VIT: variants seen among roughly 807,000 people sequenced by gnomAD.
VIT encodes vitrin.
Under a neutral mutation model 78.0 loss-of-function variants are expected in VIT, and 99 were observed. The observed-to-expected ratio is 1.27, with a 90% CI of 1.08 to 1.50. The LOEUF (loss-of-function observed/expected upper bound fraction) is 1.50. Among genes scored for constraint, VIT ranks in the 40% most tolerant of loss-of-function variants. The probability of loss-of-function intolerance (pLI) is 0.00; values close to 1 mark genes in which losing one functional copy is unlikely to be tolerated. For missense variants in VIT, 1,126 were observed against 875.3 expected (o/e 1.29, Z -3.61); for synonymous variants, 374 against 334.3 (o/e 1.12, Z -1.29).
intron 1 of VIT, among the ~76,000 whole-genome samples, chr2:36,699,853 C>A (rs78948154): frequency 0.1 from 12,677 of 126,536 alleles, 600 homozygotes; most frequent in African/African-American, 0.14. Flanking sequence ...TGCTATGGGT[C>A]ATGTGGGTGT....
chr2:36,780,458 C>G (rs1048821751), intron 9 of VIT, among the ~76,000 whole-genome samples: 2 of 152,172 alleles, frequency 1.3e-5, no homozygotes, highest in Non-Finnish European at 2.9e-5. Flanking sequence ...GCAGGATGTT[C>G]TTGATCAGAA....
rs376574308 is a variant in VIT at position 36,713,680 on chromosome 2, C to G, written c.-18-2673C>G. Among the ~76,000 whole-genome samples, 16 of 152,238 alleles carry G rather than the reference C, an allele frequency of 1.1e-4. No individual in the cohort carries two copies. The East Asian group carries it at 2.7e-3, about 26-fold the overall frequency. ...TAATGCTGAGATGCTGAGAAATGGT[C>G]AGTTTCTGGATAGACTTTGAATATA... On this transcript the variant is annotated intron_variant, in intron 1 of 15. Coordinates refer to ENST00000379242, the MANE Select transcript of VIT (RefSeq NM_053276.4).
chr2:36,758,901 T>C, intron 5 of VIT, 68 bp from the exon 6 acceptor site: 2 of 1,350,720 alleles, frequency 1.5e-6, no homozygotes, highest in South Asian at 1.2e-5. Flanking sequence ...AGAATCAACT[T>C]AGTACAGAAC....
intron 13 of VIT, among the ~76,000 whole-genome samples, chr2:36,804,660 T>C (rs1170222409): frequency 6.6e-6 from 1 of 152,036 alleles, no homozygotes; most frequent in Non-Finnish European, 1.5e-5. Context: ...TGAAACCCCA[T>C]CTCTACTAAA....
chr2:36,814,098 T>A, intron 15 of VIT, 85 bp from the exon 16 acceptor site: 6 of 1,515,968 alleles, frequency 4.0e-6, no homozygotes, highest in Non-Finnish European at 5.3e-6. Flanking sequence ...GATTTGGCTG[T>A]GCCAACAGGG....
chr2:36,725,612 GT>G (rs1326503366), intron 2 of VIT, among the ~76,000 whole-genome samples: 27 of 90,142 alleles, frequency 3.0e-4, no homozygotes, highest in African/African-American at 7.6e-4. Flanking sequence ...TGGGGGGGGG[GT>G]GGGTAAACAA....
intron 9 of VIT, among the ~76,000 whole-genome samples, chr2:36,778,564 A>C (rs949046318): frequency 6.6e-6 from 1 of 152,088 alleles, no homozygotes; most frequent in African/African-American, 2.4e-5. Context: ...AAAATACCCC[A>C]CACCGAGCCT....
chr2:36,713,032 T>A (rs1320307878), intron 1 of VIT, among the ~76,000 whole-genome samples: 1 of 152,174 alleles, frequency 6.6e-6, no homozygotes, highest in Non-Finnish European at 1.5e-5. Context: ...GCTTGCATCA[T>A]AGTGGGGAGC....
At chr2:36,771,531 AAAAAAAGAAAAAGAAAAAG>A (rs1276224074) in intron 7 of VIT, among the ~76,000 whole-genome samples, 5 of 151,652 alleles carry the variant, frequency 3.3e-5, no homozygotes, top group African/African-American at 1.2e-4. Context: ...ATCTCAAAAA[AAAAAAAGAAAAAGAAAAAG>A]AAAAAAAAAA....
chr2:36,795,134 A>G (rs1420823374), intron 12 of VIT, among the ~76,000 whole-genome samples: 1 of 152,214 alleles, frequency 6.6e-6, no homozygotes, highest in Non-Finnish European at 1.5e-5. Flanking sequence ...CCTGTTCTCA[A>G]GTAGGTTACA....
At chr2:36,704,806 G>A (rs980531033) in intron 1 of VIT, among the ~76,000 whole-genome samples, 9 of 152,140 alleles carry the variant, frequency 5.9e-5, no homozygotes, top group Admixed American at 2.6e-4. Flanking sequence ...ATTCTCTACC[G>A]AGCAGCAGAG....
intron 6 of VIT, among the ~76,000 whole-genome samples, chr2:36,763,518 G>C (rs1236107740): frequency 2.0e-5 from 3 of 151,300 alleles, no homozygotes; most frequent in South Asian, 4.2e-4. Context: ...TCAAATCAAG[G>C]GTATTATGTT....
At chr2:36,746,491 C>T (rs539842426) in intron 4 of VIT, among the ~76,000 whole-genome samples, 7 of 151,702 alleles carry the variant, frequency 4.6e-5, no homozygotes, top group South Asian at 2.1e-4. Flanking sequence ...AACTTGTTAG[C>T]GGTCTGTTTA....
intron 11 of VIT, among the ~76,000 whole-genome samples, chr2:36,786,609 C>T (rs1412044369): frequency 6.6e-6 from 1 of 152,184 alleles, no homozygotes; most frequent in African/African-American, 2.4e-5. Context: ...TTCTTTGGTT[C>T]CCTCGCCCAG....
chr2:36,745,047 TCCCCA>T (rs1668055564), intron 4 of VIT, among the ~76,000 whole-genome samples: 1 of 152,114 alleles, frequency 6.6e-6, no homozygotes, highest in Non-Finnish European at 1.5e-5. Context: ...TAGCCAGTTA[TCCCCA>T]GCACTATTTA....
At chr2:36,728,367 GA>G (rs1245061995) in intron 2 of VIT, among the ~76,000 whole-genome samples, 2 of 151,932 alleles carry the variant, frequency 1.3e-5, no homozygotes, top group Non-Finnish European at 2.9e-5. Flanking sequence ...AAAGCTTATG[GA>G]ATAAGGATAT....
At chr2:36,745,122 G>C (rs1452972500) in intron 4 of VIT, among the ~76,000 whole-genome samples, 1 of 152,110 alleles carries the variant, frequency 6.6e-6, no homozygotes, top group Non-Finnish European at 1.5e-5. Flanking sequence ...CAATCAGATA[G>C]TTGCAGGTGT....
chr2:36,805,321 A>AAC, intron 13 of VIT, 117 bp from the exon 14 acceptor site: 1 of 1,210,384 alleles, frequency 8.3e-7, no homozygotes. Context: ...AAAAAAAAAA[A>AAC]AAAAAACTAG....
intron 3 of VIT, among the ~76,000 whole-genome samples, chr2:36,742,217 G>A (rs1667875594): frequency 6.6e-6 from 1 of 152,162 alleles, no homozygotes. Flanking sequence ...GGAAATTGCA[G>A]TCCTACCCCT....
Sources: gnomAD v4.1 joint callset for allele counts (sites outside exome capture counted in the v4.1 genomes callset) on GRCh38, gnomAD v4.1.1 for gene constraint, MANE v1.5 for transcripts, NCBI Gene and HGNC (gene_info 2026-07-23, HGNC 2026-07-21) for gene names.